Variants in ARHGEF7 observed in about 807,000 individuals in gnomAD.
ARHGEF7 encodes PAK-interacting exchange factor beta.
Under a neutral mutation model 109.8 loss-of-function variants are expected in ARHGEF7, and 33 were observed. That is an observed-to-expected ratio of 0.30 (90% CI 0.23 to 0.40). The LOEUF (loss-of-function observed/expected upper bound fraction) is 0.40. Ranked by LOEUF, ARHGEF7 falls within the 10% of genes least tolerant of loss-of-function variation. The probability of loss-of-function intolerance (pLI) is 1.00; values close to 1 mark genes in which losing one functional copy is unlikely to be tolerated. For synonymous variants in ARHGEF7, 458 were observed against 424.6 expected (o/e 1.08, Z -0.97); for missense variants, 938 against 1,098.5 (o/e 0.85, Z 2.07).
chr13:111,267,591 C>G lies in ARHGEF7; in HGVS notation c.994C>G (p.Leu332Val). The part of the protein sequence containing the change: ...QQRVGGCFLN[L>V]MPQMKTLYLT... ...GAGAGTCGGAGGCTGCTTTTTAAAC[C>G]TGATGCCACAGATGAAAACCCTGTA... Residue 332 changes from leucine (L) to valine (V), a missense_variant, in exon 9 of 22, where the codon CTG becomes GTG. By Grantham distance (32) the Leu-to-Val change is conservative (BLOSUM62 1). This residue lies in a region of ARHGEF7 where 585 missense variants were observed against 723.6 expected (regional missense o/e 0.81). Coordinates refer to ENST00000646102, the MANE Select transcript of ARHGEF7 (RefSeq NM_001354046.2). The G allele has an allele frequency of 6.2e-7, 1 of 1,614,126 alleles. No homozygotes were observed. Among genetic ancestry groups the G allele is most frequent in the Non-Finnish European group, 8.5e-7 (1 of 1,179,988 alleles).
Position 111,228,993 on chromosome 13 carries a change from C to T in ARHGEF7, c.671-4212C>T, listed in dbSNP as rs1463007055. ...CAAGCGGAAGAGGCAAGTGAGGACTCACAGAAGTGTGTTCTTCTCAAAAGA... is the reference window on the plus strand; with the variant it reads ...CAAGCGGAAGAGGCAAGTGAGGACTTACAGAAGTGTGTTCTTCTCAAAAGA... On this transcript the variant is annotated intron_variant, in intron 5 of 21. Transcript: ENST00000646102. The surrounding 1 kb of genome is among the most constrained non-coding windows in gnomAD (Gnocchi z 4.6). 4.6e-5 allele frequency among the ~76,000 whole-genome samples: 7 copies of T among 151,974 alleles called. No homozygotes were observed. In the East Asian group the frequency reaches 1.4e-3, roughly 29 times the overall value.
At chr13:111,151,088 C>A (rs2075865538) in intron 1 of ARHGEF7, among the ~76,000 whole-genome samples, 1 of 152,160 alleles carries the variant, frequency 6.6e-6, no homozygotes, top group Non-Finnish European at 1.5e-5. Flanking sequence ...CACTTAAAGT[C>A]GCCCTTGGCA....
chr13:111,158,895 G>A, intron 2 of ARHGEF7: 1 of 608,544 alleles, frequency 1.6e-6, no homozygotes, highest in Non-Finnish European at 3.0e-6. Flanking sequence ...TAATCTTTTA[G>A]CAATTTTGAA....
intron 1 of ARHGEF7, among the ~76,000 whole-genome samples, chr13:111,150,784 C>T (rs1000003352): frequency 1.1e-4 from 16 of 152,056 alleles, no homozygotes; most frequent in African/African-American, 3.4e-4. Flanking sequence ...AGGGGCTGGA[C>T]GAGAGATGTA....
At position 111,282,227 on chromosome 13, in the gene ARHGEF7, G is replaced by A. The variant is rs545180274; in HGVS notation, c.1726-912G>A. Among the ~76,000 whole-genome samples, 30 of 152,094 alleles carry A rather than the reference G, an allele frequency of 2.0e-4. No individual in the cohort carries two copies. In the South Asian group the frequency reaches 4.0e-3, roughly 20 times the overall value. ...TCTCAGCCTGTGTTTTGAAGGTCGC[G>A]CACTTCCTCAGAATGCCGGCCCCAC... On this transcript the variant is annotated intron_variant, in intron 15 of 21. Transcript: ENST00000646102.
At chr13:111,282,865 A>T in intron 15 of ARHGEF7, 1 of 544,556 alleles carries the variant, frequency 1.8e-6, no homozygotes, top group Non-Finnish European at 3.2e-6. Context: ...TGGCTAGTGG[A>T]TGTCTTTTGA....
chr13:111,143,057 G>A (rs1296726200), intron 1 of ARHGEF7, among the ~76,000 whole-genome samples: 1 of 152,198 alleles, frequency 6.6e-6, no homozygotes, highest in Non-Finnish European at 1.5e-5. Flanking sequence ...GCAAATCTGA[G>A]TGGTGGAGGC....
At chr13:111,262,363 GC>G (rs2091186657) in intron 8 of ARHGEF7, among the ~76,000 whole-genome samples, 1 of 151,254 alleles carries the variant, frequency 6.6e-6, no homozygotes, top group South Asian at 2.1e-4. Context: ...AGAGAGACCT[GC>G]CAGAGGTCAT....
At chr13:111,207,607 G>T (rs1372946220) in intron 3 of ARHGEF7, among the ~76,000 whole-genome samples, 1 of 152,244 alleles carries the variant, frequency 6.6e-6, no homozygotes, top group East Asian at 1.9e-4. Flanking sequence ...AGGAGCAGAA[G>T]ATAGTAACTT....
At chr13:111,154,035 G>C in intron 2 of ARHGEF7, 44 bp downstream of exon 2, 1 of 1,564,962 alleles carries the variant, frequency 6.4e-7, no homozygotes, top group Non-Finnish European at 8.6e-7. Context: ...CCGGGAAGAC[G>C]GGGTTGGGCC....
At chr13:111,300,888 C>T (rs1342392416) in intron 20 of ARHGEF7, 41 bp downstream of exon 20, 85 of 1,373,556 alleles carry the variant, frequency 6.2e-5, no homozygotes, top group Non-Finnish European at 8.5e-5. Context: ...TGTTTGACCT[C>T]TGCGGTGGGG....
At chr13:111,234,353 C>T (rs1241619186) in intron 6 of ARHGEF7, among the ~76,000 whole-genome samples, 3 of 152,212 alleles carry the variant, frequency 2.0e-5, no homozygotes, top group Non-Finnish European at 4.4e-5. Flanking sequence ...TGAGTGCCCA[C>T]CTTCCATCTG....
intron 19 of ARHGEF7, chr13:111,295,205 T>C (rs2093400762): frequency 1.0e-6 from 1 of 985,506 alleles, no homozygotes; most frequent in South Asian, 4.7e-5. Context: ...CCGTGGCTTT[T>C]AATATTTGTT....
chr13:111,231,724 G>A (rs923618470), intron 5 of ARHGEF7, among the ~76,000 whole-genome samples: 43 of 152,148 alleles, frequency 2.8e-4, no homozygotes, highest in African/African-American at 5.3e-4. Flanking sequence ...GATGGGGGAC[G>A]CATGGGAGGA....
chr13:111,115,668 C>G lies in ARHGEF7; in HGVS notation c.142C>G (p.Leu48Val). ...GVVLCRLLER[L>V]LPGTIEKVYP... ...GGTCCTCTGCAGGCTGCTGGAGCGC[C>G]TGCTCCCCGGGACCATCGAGAAAGT... is the stretch of plus-strand genomic sequence containing the variant. The change falls in exon 1 of 22, where the codon CTG becomes GTG. Residue 48 changes from leucine to valine, a missense_variant. Transcript: ENST00000646102. 1 of 1,316,910 alleles carries G rather than the reference C, an allele frequency of 7.6e-7. No homozygotes were observed. Among genetic ancestry groups the G allele is most frequent in the Admixed American group, 2.9e-5 (1 of 34,026 alleles). The allele number at this position is 1,316,910 out of a possible 1,614,324, so 81.6% of individuals were successfully genotyped here. A position where few individuals can be genotyped will look rare whatever the true frequency, so the allele number is the denominator to read the frequency against.
chr13:111,120,760 C>T (rs1209182677), intron 1 of ARHGEF7, among the ~76,000 whole-genome samples: 3 of 152,212 alleles, frequency 2.0e-5, no homozygotes, highest in African/African-American at 7.2e-5. Context: ...GATGTCTGCC[C>T]AGCATGGCAG....
At chr13:111,128,851 A>G (rs1400350666) in intron 1 of ARHGEF7, among the ~76,000 whole-genome samples, 1 of 152,258 alleles carries the variant, frequency 6.6e-6, no homozygotes, top group Non-Finnish European at 1.5e-5. Context: ...CCAAAATCCC[A>G]GAATTTTTTC....
chr13:111,287,234 C>T (rs928036452), intron 17 of ARHGEF7, among the ~76,000 whole-genome samples: 2 of 152,196 alleles, frequency 1.3e-5, no homozygotes, highest in African/African-American at 4.8e-5. Context: ...CCACCAGGGC[C>T]CCTGATGAGA....
chr13:111,241,947 T>C (rs4238285), intron 6 of ARHGEF7, among the ~76,000 whole-genome samples: 136,305 of 152,222 alleles, frequency 0.9, 61,077 homozygotes, highest in South Asian at 0.93. Flanking sequence ...TGGCTTCCCC[T>C]GTTGTTCTGG....
Sources: allele counts gnomAD v4.1 joint callset (sites outside exome capture counted in the v4.1 genomes callset), GRCh38; gene constraint gnomAD v4.1.1; regional missense constraint gnomAD v4.1.1; non-coding constraint Gnocchi (gnomAD v3.1); transcripts MANE v1.5; gene names NCBI Gene and HGNC (gene_info 2026-07-23, HGNC 2026-07-21).